The following ARFRP1 variants were observed in gnomAD, a reference collection of about 807,000 sequenced individuals.
ARFRP1 encodes the protein ADP-ribosylation factor-related protein 1.
ARFRP1 carries 19 observed loss-of-function variants against 30.3 expected under a neutral mutation model. The ratio of observed to expected loss-of-function variants is 0.63; its 90% CI spans 0.44 to 0.92. The LOEUF is 0.92. Ranked by LOEUF, ARFRP1 falls within the 40% of genes least tolerant of loss-of-function variation. The probability of loss-of-function intolerance (pLI) is 0.00; values close to 1 mark genes in which losing one functional copy is unlikely to be tolerated. For missense variants in ARFRP1, 245 were observed against 267.5 expected, an observed-to-expected ratio of 0.92 and a Z score of 0.59; for synonymous variants, 133 against 114.2, an observed-to-expected ratio of 1.16 and a Z score of -1.05.
At chr20:63,702,953 G>C (rs1444152259) in intron 4 of ARFRP1, 2 of 152,354 alleles carry the variant, frequency 1.3e-5, no homozygotes, top group East Asian at 1.9e-4. Flanking sequence ...GTCAGTCCTG[G>C]GCTCGCTGGC....
intron 5 of ARFRP1, 97 bp from the exon 6 acceptor site, chr20:63,701,997 T>TGGGGGGGGG: frequency 5.8e-6 from 4 of 684,600 alleles, no homozygotes; most frequent in Non-Finnish European, 8.6e-6. Flanking sequence ...CCACTCCCTC[T>TGGGGGGGGG]GCCCCCCCCC....
rs1284126585 is a variant in ARFRP1 at position 63,700,778 on chromosome 20, G to C, written c.418-76C>G. On this transcript the variant is annotated intron_variant, in intron 6 of 7. Transcript: ENST00000622789. ...GCCTGTGGGCCCGGGACTCTCAGAA[G>C]GGCGTATGCCCTTCACCCCAGGGAA... 28 of 1,549,796 alleles carry C rather than the reference G, an allele frequency of 1.8e-5. No individual in the cohort carries two copies. In the East Asian group the frequency reaches 6.6e-4, roughly 37 times the overall value.
chr20:63,700,613 C>A lies in ARFRP1; in HGVS notation c.507G>T (p.Ser169=). 6.2e-7 allele frequency: 1 copy of A among 1,610,574 alleles called. No individual in the cohort carries two copies. The highest frequency in any genetic ancestry group is 8.5e-7 in the Non-Finnish European group (1 of 1,179,800). The change falls in exon 7 of 8, where the codon TCG becomes TCT. Residue 169 remains serine, a synonymous_variant. Coordinates refer to ENST00000622789, the MANE Select transcript of ARFRP1 (RefSeq NM_001267547.3). The part of the protein sequence containing the change: ...GRRDCLTQAC[S]ALTGKGVREG... ...CAGCCCCCACTCACCCTGTGAGGGC[C>A]GAGCAGGCCTGGGTCAGGCAATCTC...
rs765660980 is a variant in ARFRP1, at chr20:63,700,329, G to T, written c.*114C>A. On this transcript the variant is annotated 3_prime_UTR_variant, in exon 8 of 8. Transcript: ENST00000622789. ...TGTCTTCGAGAAAACAAAGTAAATAGAAGAACCCCAAAGCAAAGCAAACCC... is the reference window on the plus strand; with the variant it reads ...TGTCTTCGAGAAAACAAAGTAAATATAAGAACCCCAAAGCAAAGCAAACCC... The T allele has an allele frequency of 3.1e-4, 452 of 1,439,562 alleles. No homozygotes were observed. Among genetic ancestry groups the T allele is most frequent in the Non-Finnish European group, 3.9e-4 (414 of 1,060,970 alleles). The allele number at this position is 1,439,562 out of a possible 1,614,324, so 89.2% of individuals were successfully genotyped here.
At chr20:63,707,274 A>G in intron 1 of ARFRP1, 177 bp from the exon 2 acceptor site, 1 of 607,338 alleles carries the variant, frequency 1.6e-6, no homozygotes, top group Admixed American at 2.8e-5. Context: ...CTCCCAGGTC[A>G]GCCGCCACTG....
In ARFRP1 at chr20:63,706,652, GTT is replaced by G; in HGVS notation, c.178_179del (p.Asn60HisfsTer41). On this transcript the variant is annotated frameshift_variant and splice_region_variant, in exon 3 of 8. Transcript: ENST00000622789. LOFTEE classifies it high-confidence loss of function. ...LSKITTTVGLNIGTVDVGKAR... is the reference protein window; with the variant it reads ...LSKITTTVGLXIGTVDVGKAR... ...ACAGCCTGCTATTGAGACCCTTACT[GTT>G]TAGGCCCACGGTGGTGGTGATTTTG... 1 of 1,609,408 alleles carries G rather than the reference GTT, an allele frequency of 6.2e-7. No homozygotes were observed. Among genetic ancestry groups the G allele is most frequent in the Non-Finnish European group, 8.5e-7 (1 of 1,175,724 alleles).
Position 63,700,362 on chromosome 20 carries a change from A to G in ARFRP1, c.*81T>C. The G allele has an allele frequency of 1.3e-6, 2 of 1,578,422 alleles. No individual in the cohort carries two copies. The highest frequency in any genetic ancestry group is 1.7e-6 in the Non-Finnish European group (2 of 1,163,788). On this transcript the variant is annotated 3_prime_UTR_variant, in exon 8 of 8. Transcript: ENST00000622789. ...CCAAAGCAAAGCAAACCCACCCCCCAGATCAGCAGCATGGGAGCCAACAGG... is the reference window on the plus strand; with the variant it reads ...CCAAAGCAAAGCAAACCCACCCCCCGGATCAGCAGCATGGGAGCCAACAGG...
chr20:63,705,617 G>A (rs755797083), intron 4 of ARFRP1: 9 of 529,894 alleles, frequency 1.7e-5, no homozygotes, highest in Non-Finnish European at 2.7e-5. Context: ...CAAATGTTAA[G>A]CTAGAACTGA....
Position 63,706,932 on chromosome 20 carries a change from C to T in ARFRP1, c.93+67G>A, listed in dbSNP as rs557064908. On this transcript the variant is annotated intron_variant, in intron 2 of 7. Transcript: ENST00000622789. ...GTCTGGGTAGTGAACGTGCAGCTGA[C>T]AGCACAAAACCGAAGGGGGCGCCGC... 11 of 1,576,564 alleles carry T rather than the reference C, an allele frequency of 7.0e-6. No individual in the cohort carries two copies. The African/African-American group carries it at 1.3e-4, about 19-fold the overall frequency.
Position 63,700,519 on chromosome 20 carries a change from C to T in ARFRP1, c.530G>A (p.Arg177His), listed in dbSNP as rs200507208. 9.3e-6 allele frequency: 15 copies of T among 1,610,886 alleles called. No individual in the cohort carries two copies. The highest frequency in any genetic ancestry group is 6.7e-5 in the African/African-American group (5 of 75,034). Residue 177 changes from arginine (R) to histidine (H), a missense_variant, in exon 8 of 8, where the codon CGC becomes CAC. Transcript: ENST00000622789. ...CTTCACCATCCACTCGATGCCCTCG[C>T]GCACCCCTTTGCTGTGAAGACAGCG... ...ACSALTGKGV[R>H]EGIEWMVKCV...
At chr20:63,700,746 C>G in intron 6 of ARFRP1, 44 bp from the exon 7 acceptor site, 1 of 1,595,418 alleles carries the variant, frequency 6.3e-7, no homozygotes, top group South Asian at 1.1e-5. Flanking sequence ...ACGTCTGGCC[C>G]TGTCCTGCCT....
chr20:63,706,812 G>A lies in ARFRP1; in HGVS notation c.94-74C>T, dbSNP rs1307687108. The A allele has an allele frequency of 2.9e-5, 40 of 1,379,844 alleles. No homozygotes were observed. The East Asian group carries it at 8.9e-4, about 31-fold the overall frequency. 85.5% of individuals were successfully genotyped at this position (1,379,844 alleles called of 1,614,324 possible). A position where few individuals can be genotyped will look rare whatever the true frequency, so the allele number is the denominator to read the frequency against. On this transcript the variant is annotated intron_variant, in intron 2 of 7. Transcript: ENST00000622789. Reference sequence around the variant, plus strand: ...CTTCCAAATATCCTTACTCAGGTCTGTTCTTTAAAAGACAGAAACAGAAAC... The same window carrying A: ...CTTCCAAATATCCTTACTCAGGTCTATTCTTTAAAAGACAGAAACAGAAAC...
intron 5 of ARFRP1, 94 bp from the exon 6 acceptor site, chr20:63,701,994 C>G: frequency 8.8e-7 from 1 of 1,141,310 alleles, no homozygotes; most frequent in Non-Finnish European, 1.2e-6. Flanking sequence ...CAGCCACTCC[C>G]TCTGCCCCCC....
chr20:63,702,275 G>C (rs1479694497), intron 4 of ARFRP1, 58 bp from the exon 5 acceptor site: 1 of 1,524,026 alleles, frequency 6.6e-7, no homozygotes, highest in South Asian at 1.1e-5. Context: ...GGCCAGCAGA[G>C]CCAGGCCTGT....
intron 4 of ARFRP1, chr20:63,702,505 C>T: frequency 4.6e-6 from 2 of 430,114 alleles, no homozygotes; most frequent in Non-Finnish European, 8.6e-6. Context: ...ATTATCCCAA[C>T]ACTTTGGGAG....
rs917655082 is a variant in ARFRP1, at chr20:63,706,907, G to C, written c.93+92C>G. The stretch of plus-strand genomic sequence containing the variant: ...CCGTCTCAGGTGAAATTTGGCTTCC[G>C]TCTGGGTAGTGAACGTGCAGCTGAC... On this transcript the variant is annotated intron_variant, in intron 2 of 7. Transcript: ENST00000622789. 38 of 1,490,544 alleles carry C rather than the reference G, an allele frequency of 2.5e-5. No homozygotes were observed. The South Asian group carries it at 4.0e-4, about 16-fold the overall frequency. The allele number at this position is 1,490,544 out of a possible 1,614,324, so 92.3% of individuals were successfully genotyped here.
intron 4 of ARFRP1, chr20:63,702,682 T>TCTGATCA (rs1336966813): frequency 5.4e-6 from 1 of 184,046 alleles, no homozygotes; most frequent in Non-Finnish European, 1.1e-5. Flanking sequence ...TGTAGTGAGC[T>TCTGATCA]CTGATCACAC....
At chr20:63,701,335 G>T in intron 6 of ARFRP1, 1 of 534,806 alleles carries the variant, frequency 1.9e-6, no homozygotes. Flanking sequence ...CACTCCAAGA[G>T]AACAGCTAGA....
Position 63,706,655 on chromosome 20 carries a change from T to A in ARFRP1, c.177A>T (p.Leu59=). The A allele has an allele frequency of 6.2e-7, 1 of 1,610,338 alleles. No homozygotes were observed. The highest frequency in any genetic ancestry group is 8.5e-7 in the Non-Finnish European group (1 of 1,176,532). Residue 59 remains leucine, a synonymous_variant, in exon 3 of 8, where the codon CTA becomes CTT. Coordinates refer to ENST00000622789, the MANE Select transcript of ARFRP1 (RefSeq NM_001267547.3). The part of the protein sequence containing the change: ...SLSKITTTVG[L]NIGTVDVGKA... ...GCCTGCTATTGAGACCCTTACTGTT[T>A]AGGCCCACGGTGGTGGTGATTTTGG...
Sources: gnomAD v4.1 joint callset for allele counts on GRCh38, gnomAD v4.1.1 for gene constraint, MANE v1.5 for transcripts, NCBI Gene and HGNC (gene_info 2026-07-23, HGNC 2026-07-21) for gene names.